The following MEST variants were observed in gnomAD, a reference collection of about 807,000 sequenced individuals.
The protein encoded by MEST is mesoderm specific transcript.
MEST carries 18 observed loss-of-function variants against 50.9 expected under a neutral mutation model. The ratio of observed to expected loss-of-function variants is 0.35; its 90% CI spans 0.24 to 0.52. The LOEUF is 0.52. Ranked by LOEUF, MEST falls within the 20% of genes least tolerant of loss-of-function variation. The pLI, the probability that MEST is intolerant of heterozygous loss-of-function variation, is 0.94. For missense variants in MEST, 282 were observed against 425.3 expected (o/e 0.66, Z 2.96); for synonymous variants, 130 against 154.1 (o/e 0.84, Z 1.16).
chr7:130,503,893 T>C (rs1799371783), intron 10 of MEST, 40 bp from the exon 11 acceptor site: 2 of 1,463,832 alleles, frequency 1.4e-6, no homozygotes, highest in Non-Finnish European at 9.6e-7. Flanking sequence ...AGAACAGATG[T>C]GAGAGCTGTT....
chr7:130,487,307 A>G (rs1355084953), upstream of MEST: 1 of 152,228 alleles, frequency 6.6e-6, no homozygotes, highest in African/African-American at 2.4e-5. Context: ...AGAATCCTTC[A>G]GCCTATTTAT....
At position 130,497,101 on chromosome 7, in the gene MEST, C is replaced by A. The variant is rs1215546712; in HGVS notation, c.182-55C>A. 2.1e-6 allele frequency: 3 copies of A among 1,401,566 alleles called. No homozygotes were observed. The highest frequency in any genetic ancestry group is 3.0e-6 in the Non-Finnish European group (3 of 1,003,598). The allele number at this position is 1,401,566 out of a possible 1,614,324, so 86.8% of individuals were successfully genotyped here. On this transcript the variant is annotated intron_variant, in intron 2 of 11. Transcript: ENST00000223215. This position sits in a 1 kb window ranked among gnomAD's most constrained non-coding sequence, Gnocchi z 4.0. ...CAGATTACTTAGATTTTAACATCTT[C>A]GAGGTTATTTTTATAGGGATTTGGC...
chr7:130,500,258 T>G lies in MEST; in HGVS notation c.577-204T>G, dbSNP rs1554438201. Among the ~76,000 whole-genome samples, 5 of 152,214 alleles carry G rather than the reference T, an allele frequency of 3.3e-5. No homozygotes were observed. The highest frequency in any genetic ancestry group is 1.5e-5 in the Non-Finnish European group (1 of 68,034). On this transcript the variant is annotated intron_variant, in intron 7 of 11. Coordinates refer to ENST00000223215, the MANE Select transcript of MEST (RefSeq NM_002402.4). The surrounding 1 kb of genome is among the most constrained non-coding windows in gnomAD (Gnocchi z 5.0). Reference sequence around the variant, plus strand: ...AAAGTTTTAGGGATTTAGTGAATTGTAGAAAAGTAATCTTAGATGGAATTA... The same window carrying G: ...AAAGTTTTAGGGATTTAGTGAATTGGAGAAAAGTAATCTTAGATGGAATTA...
rs1799089729 is a variant in MEST at position 130,497,098 on chromosome 7, C to A, written c.182-58C>A. 7.1e-7 allele frequency: 1 copy of A among 1,407,528 alleles called. No individual in the cohort carries two copies. Among genetic ancestry groups the A allele is most frequent in the Non-Finnish European group, 9.9e-7 (1 of 1,009,568 alleles). 87.2% of individuals were successfully genotyped at this position (1,407,528 alleles called of 1,614,324 possible). ...TATCAGATTACTTAGATTTTAACAT[C>A]TTCGAGGTTATTTTTATAGGGATTT... is the stretch of plus-strand genomic sequence containing the variant. On this transcript the variant is annotated intron_variant, in intron 2 of 11. Coordinates refer to ENST00000223215, the MANE Select transcript of MEST (RefSeq NM_002402.4). The surrounding 1 kb of genome is among the most constrained non-coding windows in gnomAD (Gnocchi z 4.0).
intron 10 of MEST, among the ~76,000 whole-genome samples, chr7:130,503,515 A>G (rs538387282): frequency 6.6e-6 from 1 of 152,284 alleles, no homozygotes; most frequent in South Asian, 2.1e-4. Flanking sequence ...ATTTATAGAA[A>G]ATATTTTCTT....
rs927898997 is a variant in MEST, at chr7:130,492,546, C to T, written c.26+207C>T. 4.1e-5 allele frequency: 16 copies of T among 395,034 alleles called. 2 individuals carry two copies. The highest frequency in any genetic ancestry group is 2.9e-4 in the African/African-American group (14 of 48,276). 24.5% of individuals were successfully genotyped at this position (395,034 alleles called of 1,614,324 possible). ...CAATGGAATGTTCAGAACGCGGGACCTCCTTGGGTTAGGATTTCTAGACCC... is the reference window on the plus strand; with the variant it reads ...CAATGGAATGTTCAGAACGCGGGACTTCCTTGGGTTAGGATTTCTAGACCC... On this transcript the variant is annotated intron_variant, in intron 1 of 11. Coordinates refer to ENST00000223215, the MANE Select transcript of MEST (RefSeq NM_002402.4). This position sits in a 1 kb window ranked among gnomAD's most constrained non-coding sequence, Gnocchi z 7.6.
Position 130,497,402 on chromosome 7 carries a change from TA to T in MEST, c.261+172del. 2.2e-6 allele frequency: 1 copy of T among 447,990 alleles called. No individual in the cohort carries two copies. Among genetic ancestry groups the T allele is most frequent in the South Asian group, 3.0e-5 (1 of 33,360 alleles). The allele number at this position is 447,990 out of a possible 1,614,324, so 27.8% of individuals were successfully genotyped here. On this transcript the variant is annotated intron_variant, in intron 3 of 11. Coordinates refer to ENST00000223215, the MANE Select transcript of MEST (RefSeq NM_002402.4). This position sits in a 1 kb window ranked among gnomAD's most constrained non-coding sequence, Gnocchi z 4.0. ...CAAAACCCCATCTCTACTAAAAGTA[TA>T]AAAATTGGCCAGGCATGGTGGCACA...
chr7:130,492,064 C>G (rs1019555250), upstream of MEST: 4 of 237,002 alleles, frequency 1.7e-5, no homozygotes, highest in Non-Finnish European at 2.4e-5. The surrounding 1 kb of genome is among the most constrained non-coding windows in gnomAD (Gnocchi z 7.6). Flanking sequence ...CTCTAAAAGT[C>G]GGTGCCCACT....
chr7:130,505,109 G>A lies in MEST; in HGVS notation c.*53G>A, dbSNP rs1399930666. 8 of 1,289,350 alleles carry A rather than the reference G, an allele frequency of 6.2e-6. No homozygotes were observed. The highest frequency in any genetic ancestry group is 4.8e-5 in the South Asian group (4 of 83,752). 79.9% of individuals were successfully genotyped at this position (1,289,350 alleles called of 1,614,324 possible). ...CCTCCCCTACTCCCTTATGTGTTGT[G>A]TATTCCACTTAGGAAGAAATGCCCA... On this transcript the variant is annotated 3_prime_UTR_variant, in exon 12 of 12. Transcript: ENST00000223215.
rs781996341 is a variant in MEST at position 130,500,553 on chromosome 7, T to C, written c.647+21T>C. On this transcript the variant is annotated intron_variant, in intron 8 of 11. Transcript: ENST00000223215. The surrounding 1 kb of genome is among the most constrained non-coding windows in gnomAD (Gnocchi z 5.0). ...CGAGGGTAAGTGTCACTGTCAAAGA[T>C]TGTGGCCTAGAGCAATGTCGTGAAA... 1.0e-5 allele frequency: 16 copies of C among 1,606,644 alleles called. No individual in the cohort carries two copies. The highest frequency in any genetic ancestry group is 1.2e-5 in the Non-Finnish European group (14 of 1,175,054).
At chr7:130,490,928 GC>G (rs1434364282), upstream of MEST, 4 of 152,432 alleles carry the variant, frequency 2.6e-5, no homozygotes, top group East Asian at 7.7e-4. Flanking sequence ...CGGGTTGGAT[GC>G]CCCGCGGTCC....
chr7:130,504,322 T>G (rs1554439284), intron 11 of MEST, among the ~76,000 whole-genome samples: 1 of 152,232 alleles, frequency 6.6e-6, no homozygotes, highest in Admixed American at 6.5e-5. Context: ...TGTTTTAGTC[T>G]GATTGTAAAG....
chr7:130,500,884 T>C lies in MEST; in HGVS notation c.743T>C (p.Ile248Thr), dbSNP rs782534196. Residue 248 changes from isoleucine (I) to threonine (T), a missense_variant, in exon 9 of 12, where the codon ATT becomes ACT. Coordinates refer to ENST00000223215, the MANE Select transcript of MEST (RefSeq NM_002402.4). The surrounding 1 kb of genome is among the most constrained non-coding windows in gnomAD (Gnocchi z 5.0). ...GIRNNDGNLV[I>T]DSLLQYINQR... ...CGCAACAATGACGGGAACTTAGTCATTGACAGGTAAGAAGTTACCCTTTGC... is the reference window on the plus strand; with the variant it reads ...CGCAACAATGACGGGAACTTAGTCACTGACAGGTAAGAAGTTACCCTTTGC... The C allele has an allele frequency of 6.8e-6, 11 of 1,613,614 alleles. No homozygotes were observed. The highest frequency in any genetic ancestry group is 8.5e-6 in the Non-Finnish European group (10 of 1,179,758).
intron 11 of MEST, 71 bp downstream of exon 11, chr7:130,504,067 T>C: frequency 8.2e-7 from 1 of 1,224,810 alleles, no homozygotes; most frequent in South Asian, 1.2e-5. Context: ...GAATTGCCTG[T>C]TGAGGGCTAT....
In MEST at chr7:130,500,097, C is replaced by T. The variant is rs935613166; in HGVS notation, c.576+182C>T. The T allele has an allele frequency of 1.2e-5, 7 of 580,842 alleles. No homozygotes were observed. The highest frequency in any genetic ancestry group is 7.5e-5 in the African/African-American group (4 of 53,194). 36.0% of individuals were successfully genotyped at this position (580,842 alleles called of 1,614,324 possible). ...ACTAAAGCAGAGGCAGTGGCCCCTA[C>T]GTAAACCCAAAACCAATCCTAAGAA... On this transcript the variant is annotated intron_variant, in intron 7 of 11. Coordinates refer to ENST00000223215, the MANE Select transcript of MEST (RefSeq NM_002402.4). The surrounding 1 kb of genome is among the most constrained non-coding windows in gnomAD (Gnocchi z 5.0).
intron 2 of MEST, chr7:130,495,778 G>T (rs1334432302): frequency 6.0e-4 from 113 of 189,656 alleles, no homozygotes; most frequent in South Asian, 7.5e-4. Flanking sequence ...TCCAATATTA[G>T]TTTTTTTTTT....
chr7:130,498,141 A>G lies in MEST; in HGVS notation c.342A>G (p.Arg114=), dbSNP rs202178679. ...TATGTGGGCTTTCCTTTCCTCAGAG[A>G]CCACATCACTATTCCATATTTGAGC... is the stretch of plus-strand genomic sequence containing the variant. ...FLGFGFSDKP[R]PHHYSIFEQA... The change falls in exon 5 of 12, where the codon AGA becomes AGG. Residue 114 remains arginine, a splice_region_variant and synonymous_variant. Transcript: ENST00000223215. 15 of 1,613,938 alleles carry G rather than the reference A, an allele frequency of 9.3e-6. No individual in the cohort carries two copies. The East Asian group carries it at 3.3e-4, about 36-fold the overall frequency.
chr7:130,503,234 G>C (rs950474688), intron 10 of MEST, among the ~76,000 whole-genome samples: 1 of 152,222 alleles, frequency 6.6e-6, no homozygotes, highest in African/African-American at 2.4e-5. Flanking sequence ...TTCACACATA[G>C]TGATTAGTGC....
At chr7:130,499,278 C>G (rs1799188265) in intron 6 of MEST, among the ~76,000 whole-genome samples, 1 of 152,154 alleles carries the variant, frequency 6.6e-6, no homozygotes, top group South Asian at 2.1e-4. Flanking sequence ...GAGAGAAATC[C>G]GTCTCTCCCT....
Sources: allele counts gnomAD v4.1 joint callset (sites outside exome capture counted in the v4.1 genomes callset), GRCh38; gene constraint gnomAD v4.1.1; non-coding constraint Gnocchi (gnomAD v3.1); transcripts MANE v1.5; gene names NCBI Gene and HGNC (gene_info 2026-07-23, HGNC 2026-07-21).